The following EXOC5 variants were observed in gnomAD, a reference collection of about 807,000 sequenced individuals.
The protein encoded by EXOC5 is SEC10-like 1.
In EXOC5, 17 loss-of-function variants were observed where a neutral mutation model predicts 90.8. That is an observed-to-expected ratio of 0.19 (90% CI 0.13 to 0.28). The LOEUF is 0.28. Ranked by LOEUF, EXOC5 falls within the 10% of genes least tolerant of loss-of-function variation. The pLI, the probability that EXOC5 is intolerant of heterozygous loss-of-function variation, is 1.00. For synonymous variants in EXOC5, 260 were observed against 270.0 expected, an observed-to-expected ratio of 0.96 and a Z score of 0.36; for missense variants, 569 against 830.6, an observed-to-expected ratio of 0.69 and a Z score of 3.87.
intron 4 of EXOC5, among the ~76,000 whole-genome samples, chr14:57,240,209 TGTC>T (rs1883817695): frequency 7.4e-6 from 1 of 135,640 alleles, no homozygotes; most frequent in Non-Finnish European, 1.5e-5. Context: ...CTTTTCTTTC[TGTC>T]TTTTTTTTTT....
chr14:57,222,996 A>G (rs1566727812), intron 12 of EXOC5, among the ~76,000 whole-genome samples: 1 of 152,032 alleles, frequency 6.6e-6, no homozygotes, highest in Admixed American at 6.6e-5. Flanking sequence ...TGGTTCAAAT[A>G]ATGGTTTTAC....
chr14:57,226,278 G>C (rs1442943668), intron 12 of EXOC5, among the ~76,000 whole-genome samples: 1 of 152,156 alleles, frequency 6.6e-6, no homozygotes, highest in African/African-American at 2.4e-5. Flanking sequence ...TTTTCCCTTT[G>C]GCTTAGTGAT....
intron 6 of EXOC5, among the ~76,000 whole-genome samples, chr14:57,236,289 T>TC (rs1883656501): frequency 6.8e-6 from 1 of 146,758 alleles, no homozygotes; most frequent in African/African-American, 2.5e-5. Context: ...TTCATTTTCT[T>TC]TTTTTTTTTT....
chr14:57,244,138 T>G, intron 4 of EXOC5, 27 bp downstream of exon 4: 3 of 1,513,912 alleles, frequency 2.0e-6, no homozygotes, highest in Non-Finnish European at 9.2e-7. Context: ...ATGCTGTGAT[T>G]TGGTTTTATC....
Position 57,229,885 on chromosome 14 carries a change from G to A in EXOC5, c.1149-4C>T. The A allele has an allele frequency of 1.4e-6, 2 of 1,387,346 alleles. No homozygotes were observed. The highest frequency in any genetic ancestry group is 1.4e-5 in the African/African-American group (1 of 69,964). 85.9% of individuals were successfully genotyped at this position (1,387,346 alleles called of 1,614,324 possible). A position where few individuals can be genotyped will look rare whatever the true frequency, so the allele number is the denominator to read the frequency against. ...TCTTTCCTTCAAATCTTGAATACTA[G>A]TACATCATAAAGACAAATGAAAAAA... On this transcript the variant is annotated splice_region_variant and splice_polypyrimidine_tract_variant and intron_variant, in intron 11 of 17. Transcript: ENST00000621441.
chr14:57,253,634 G>T (rs535556711), intron 1 of EXOC5, among the ~76,000 whole-genome samples: 13 of 152,128 alleles, frequency 8.5e-5, no homozygotes, highest in Non-Finnish European at 1.6e-4. Flanking sequence ...GATCAAGACA[G>T]TATATGGTAC....
intron 13 of EXOC5, among the ~76,000 whole-genome samples, chr14:57,221,052 A>C (rs1883122214): frequency 6.6e-6 from 1 of 152,184 alleles, no homozygotes; most frequent in African/African-American, 2.4e-5. Context: ...GCTATAAAAA[A>C]TTTAATGCAA....
intron 6 of EXOC5, 75 bp downstream of exon 6, chr14:57,237,263 C>T (rs981376304): frequency 2.5e-6 from 2 of 799,032 alleles, no homozygotes; most frequent in Admixed American, 2.1e-5. Flanking sequence ...TGCTTTTTCT[C>T]CTTTTGCTGT....
intron 15 of EXOC5, among the ~76,000 whole-genome samples, chr14:57,216,768 C>G (rs1164285712): frequency 6.6e-6 from 1 of 152,004 alleles, no homozygotes; most frequent in Non-Finnish European, 1.5e-5. Context: ...GCACAGGCAA[C>G]AGAAACAAAG....
chr14:57,225,202 A>G (rs1883268774), intron 12 of EXOC5, among the ~76,000 whole-genome samples: 1 of 152,230 alleles, frequency 6.6e-6, no homozygotes, highest in Admixed American at 6.5e-5. Context: ...ATCAAAGAAG[A>G]AATGCAAGGC....
chr14:57,241,013 C>T (rs750076806), intron 4 of EXOC5, among the ~76,000 whole-genome samples: 1 of 151,974 alleles, frequency 6.6e-6, no homozygotes, highest in Non-Finnish European at 1.5e-5. Context: ...CCACCACACC[C>T]GCTAATTTTG....
At chr14:57,262,576 ACG>A (rs1268312931) in intron 1 of EXOC5, among the ~76,000 whole-genome samples, 20 of 147,336 alleles carry the variant, frequency 1.4e-4, no homozygotes, top group African/African-American at 5.0e-4. Context: ...ATATATATAT[ACG>A]TATATATATA....
intron 1 of EXOC5, among the ~76,000 whole-genome samples, chr14:57,261,101 T>A (rs1329077567): frequency 1.3e-5 from 2 of 152,232 alleles, no homozygotes; most frequent in Non-Finnish European, 2.9e-5. Context: ...GTTTGCTAAG[T>A]TTTAAAAATA....
rs570026724 is a variant in EXOC5, at chr14:57,211,967, C to T, written c.1614-1906G>A. Among the ~76,000 whole-genome samples the T allele has an allele frequency of 1.4e-4, 21 of 152,290 alleles. No individual in the cohort carries two copies. In the South Asian group the frequency reaches 4.1e-3, roughly 30 times the overall value. On this transcript the variant is annotated intron_variant, in intron 15 of 17. Transcript: ENST00000621441. ...CTGGACCTACCAGGCTCAAGTGATCCACCTACCTCAGCCTCCTGAGTAGCT... is the reference window on the plus strand; with the variant it reads ...CTGGACCTACCAGGCTCAAGTGATCTACCTACCTCAGCCTCCTGAGTAGCT...
chr14:57,245,342 C>T (rs1884003339), intron 3 of EXOC5, among the ~76,000 whole-genome samples: 1 of 152,016 alleles, frequency 6.6e-6, no homozygotes, highest in Non-Finnish European at 1.5e-5. Context: ...AGACTAGACA[C>T]TGTTCTAAGC....
At chr14:57,249,196 T>C (rs1438128278) in intron 1 of EXOC5, among the ~76,000 whole-genome samples, 1 of 152,160 alleles carries the variant, frequency 6.6e-6, no homozygotes, top group African/African-American at 2.4e-5. Flanking sequence ...CAAGGTAGGT[T>C]CTATTAATAC....
intron 12 of EXOC5, among the ~76,000 whole-genome samples, chr14:57,224,638 C>CAAAGAAAG (rs907012250): frequency 2.0e-5 from 3 of 151,758 alleles, no homozygotes; most frequent in Admixed American, 6.6e-5. Flanking sequence ...TGACTTTTAC[C>CAAAGAAAG]AAAGAAAGAA....
chr14:57,205,997 C>T lies in EXOC5; in HGVS notation c.*2612G>A, dbSNP rs3742578. On this transcript the variant is annotated 3_prime_UTR_variant, in exon 18 of 18. Coordinates refer to ENST00000621441, the MANE Select transcript of EXOC5 (RefSeq NM_006544.4). Reference sequence around the variant, plus strand: ...TACTCTGGTTGACTGTCATTTTCAACATCATAATTTACATAAGGTAGGCTT... The same window carrying T: ...TACTCTGGTTGACTGTCATTTTCAATATCATAATTTACATAAGGTAGGCTT... 0.2 allele frequency: 92,405 copies of T among 455,390 alleles called. 17,388 individuals carry two copies. Among genetic ancestry groups the T allele is most frequent in the African/African-American group, 0.72 (36,148 of 50,022 alleles). 28.2% of individuals were successfully genotyped at this position (455,390 alleles called of 1,614,324 possible).
intron 3 of EXOC5, among the ~76,000 whole-genome samples, chr14:57,246,501 C>A (rs1231682879): frequency 6.6e-6 from 1 of 152,142 alleles, no homozygotes; most frequent in Admixed American, 6.5e-5. Context: ...AAGAAGAGTA[C>A]TGTGATCCTA....
Sources: allele counts gnomAD v4.1 joint callset (sites outside exome capture counted in the v4.1 genomes callset), GRCh38; gene constraint gnomAD v4.1.1; transcripts MANE v1.5; gene names NCBI Gene and HGNC (gene_info 2026-07-23, HGNC 2026-07-21).